AHCYL2: variants seen among roughly 807,000 people sequenced by gnomAD.
AHCYL2 encodes the protein adenosylhomocysteinase like 2.
AHCYL2 carries 28 observed loss-of-function variants against 81.4 expected under a neutral mutation model. That is an observed-to-expected ratio of 0.34 (90% CI 0.25 to 0.47). AHCYL2 has a LOEUF of 0.47. Among genes scored for constraint, AHCYL2 ranks in the 20% least tolerant of loss-of-function variants. AHCYL2 has a pLI of 1.00. For missense variants in AHCYL2, 551 were observed against 785.1 expected, an observed-to-expected ratio of 0.70 and a Z score of 3.56; for synonymous variants, 272 against 290.2, an observed-to-expected ratio of 0.94 and a Z score of 0.64.
intron 1 of AHCYL2, among the ~76,000 whole-genome samples, chr7:129,339,307 CT>C (rs1793075745): frequency 6.6e-6 from 1 of 152,168 alleles, no homozygotes; most frequent in South Asian, 2.1e-4. Flanking sequence ...GAGTTAATAT[CT>C]CTCAAACCTA....
At chr7:129,411,918 G>A (rs1796598967) in intron 11 of AHCYL2, among the ~76,000 whole-genome samples, 1 of 152,062 alleles carries the variant, frequency 6.6e-6, no homozygotes, top group South Asian at 2.1e-4. Context: ...TAGACATTTG[G>A]GTTGTTTTCA....
chr7:129,285,807 C>CTTG (rs1035639579), intron 1 of AHCYL2, among the ~76,000 whole-genome samples: 1 of 151,318 alleles, frequency 6.6e-6, no homozygotes, highest in African/African-American at 2.4e-5. Flanking sequence ...ACCTCCCAGG[C>CTTG]TCAAGCAATC....
intron 1 of AHCYL2, among the ~76,000 whole-genome samples, chr7:129,353,626 A>AT (rs1234935775): frequency 1.3e-5 from 2 of 149,554 alleles, no homozygotes; most frequent in Non-Finnish European, 3.0e-5. Flanking sequence ...ATGTGTTAAG[A>AT]TGGAGGTGCC....
chr7:129,403,177 C>T (rs571576020), intron 6 of AHCYL2, among the ~76,000 whole-genome samples: 2 of 152,286 alleles, frequency 1.3e-5, no homozygotes, highest in African/African-American at 4.8e-5. Flanking sequence ...GGCCTTTCTC[C>T]TCTCATTGTC....
chr7:129,246,847 G>A (rs1795079073), intron 1 of AHCYL2, among the ~76,000 whole-genome samples: 1 of 152,088 alleles, frequency 6.6e-6, no homozygotes, highest in Admixed American at 6.5e-5. Context: ...TTTGTGTGTG[G>A]CTTTTCCACT....
intron 5 of AHCYL2, among the ~76,000 whole-genome samples, chr7:129,398,666 A>G (rs2150923732): frequency 6.6e-6 from 1 of 151,668 alleles, no homozygotes; most frequent in East Asian, 1.9e-4. Context: ...GGTGTGAGCC[A>G]CCGCACCCGG....
intron 1 of AHCYL2, among the ~76,000 whole-genome samples, chr7:129,303,521 G>A (rs1201075352): frequency 1.3e-5 from 2 of 151,960 alleles, no homozygotes; most frequent in Non-Finnish European, 2.9e-5. Context: ...TTTCATCTCT[G>A]ATTTTATTTT....
At chr7:129,246,014 C>T (rs886728970) in intron 1 of AHCYL2, among the ~76,000 whole-genome samples, 8 of 150,860 alleles carry the variant, frequency 5.3e-5, no homozygotes, top group Non-Finnish European at 8.9e-5. Flanking sequence ...ACACTTATTT[C>T]GTTTTTTGAT....
rs778109103 is a variant in AHCYL2, at chr7:129,368,685, C to T, written c.364-10953C>T. The T allele has an allele frequency of 5.7e-5, 62 of 1,080,444 alleles. No individual in the cohort carries two copies. The highest frequency in any genetic ancestry group is 1.5e-4 in the East Asian group (6 of 40,654). 66.9% of individuals were successfully genotyped at this position (1,080,444 alleles called of 1,614,324 possible). ...GGTTGGAAAAACAGTTATTACTCTA[C>T]GTTCTGATTAGTTCCTAGGTACTAG... On this transcript the variant is annotated intron_variant, in intron 1 of 16. Transcript: ENST00000325006. The surrounding 1 kb of genome is among the most constrained non-coding windows in gnomAD (Gnocchi z 4.4).
rs574515187 is a variant in AHCYL2, at chr7:129,242,487, G to C, written c.363+17048G>C. ...AATCCCAGCACTTTGGGAGGCCAAG[G>C]GGGGCGGATCACGAGGTCAGAAGTT... On this transcript the variant is annotated intron_variant, in intron 1 of 16. Transcript: ENST00000325006. 2.9e-3 allele frequency among the ~76,000 whole-genome samples: 440 copies of C among 152,304 alleles called. 1 individual carries two copies. The highest frequency in any genetic ancestry group is 0.01 in the African/African-American group (426 of 41,548).
At chr7:129,329,797 T>C (rs532959315) in intron 1 of AHCYL2, among the ~76,000 whole-genome samples, 1 of 152,306 alleles carries the variant, frequency 6.6e-6, no homozygotes, top group South Asian at 2.1e-4. Flanking sequence ...TTATCCACTT[T>C]TATTGTTGTT....
Position 129,271,468 on chromosome 7 carries a change from A to G in AHCYL2, c.363+46029A>G, listed in dbSNP as rs921377673. Among the ~76,000 whole-genome samples, 5 of 152,140 alleles carry G rather than the reference A, an allele frequency of 3.3e-5. No homozygotes were observed. In the South Asian group the frequency reaches 1.0e-3, roughly 31 times the overall value. On this transcript the variant is annotated intron_variant, in intron 1 of 16. Coordinates refer to ENST00000325006, the MANE Select transcript of AHCYL2 (RefSeq NM_015328.4). The stretch of plus-strand genomic sequence containing the variant: ...AATGGTAGAATGGATACATTATGGT[A>G]TATTCATAGAACAGAATACTATTAA...
intron 1 of AHCYL2, among the ~76,000 whole-genome samples, chr7:129,367,638 G>A (rs952481159): frequency 1.2e-4 from 19 of 152,176 alleles, no homozygotes; most frequent in Admixed American, 1.2e-3. Context: ...TGGAAACCCT[G>A]GCTGTCCTCT....
chr7:129,300,210 T>C (rs1473582569), intron 1 of AHCYL2, among the ~76,000 whole-genome samples: 1 of 152,180 alleles, frequency 6.6e-6, no homozygotes, highest in Admixed American at 6.5e-5. Context: ...AGTTACCCTG[T>C]TGTGCTATCA....
At chr7:129,315,507 C>T (rs1340462813) in intron 1 of AHCYL2, among the ~76,000 whole-genome samples, 3 of 152,190 alleles carry the variant, frequency 2.0e-5, no homozygotes, top group Non-Finnish European at 4.4e-5. Context: ...CTGATGGAGT[C>T]CTATTCATTC....
intron 10 of AHCYL2, among the ~76,000 whole-genome samples, chr7:129,408,637 C>T (rs1159858480): frequency 6.6e-6 from 1 of 152,156 alleles, no homozygotes; most frequent in Non-Finnish European, 1.5e-5. Context: ...TATGAAGCTT[C>T]AGAGAGATCT....
intron 1 of AHCYL2, among the ~76,000 whole-genome samples, chr7:129,259,113 T>C (rs1795528589): frequency 6.6e-6 from 1 of 152,164 alleles, no homozygotes; most frequent in Non-Finnish European, 1.5e-5. Context: ...AGACCTCTTC[T>C]TCCTTTAATA....
intron 1 of AHCYL2, among the ~76,000 whole-genome samples, chr7:129,327,086 A>G (rs552235933): frequency 6.6e-6 from 1 of 152,268 alleles, no homozygotes; most frequent in East Asian, 1.9e-4. Context: ...TATGGACTGA[A>G]TGTCTGTGTT....
chr7:129,271,450 G>T (rs371351552), intron 1 of AHCYL2, among the ~76,000 whole-genome samples: 1 of 151,288 alleles, frequency 6.6e-6, no homozygotes, highest in East Asian at 1.9e-4. Context: ...ATCAATGGTA[G>T]AATGGATACA....
Sources: allele counts gnomAD v4.1 joint callset (sites outside exome capture counted in the v4.1 genomes callset), GRCh38; gene constraint gnomAD v4.1.1; non-coding constraint Gnocchi (gnomAD v3.1); transcripts MANE v1.5; gene names NCBI Gene and HGNC (gene_info 2026-07-23, HGNC 2026-07-21).